SEMA3D: variants seen among roughly 807,000 people sequenced by gnomAD.
SEMA3D encodes semaphorin 3D.
Under a neutral mutation model 100.1 loss-of-function variants are expected in SEMA3D, and 84 were observed. That is an observed-to-expected ratio of 0.84 (90% CI 0.70 to 1.01). The LOEUF is 1.01. Ranked by LOEUF, SEMA3D falls within the 50% of genes least tolerant of loss-of-function variation. The pLI, the probability that SEMA3D is intolerant of heterozygous loss-of-function variation, is 0.00. For synonymous variants in SEMA3D, 312 were observed against 320.7 expected (o/e 0.97, Z 0.29); for missense variants, 875 against 934.1 (o/e 0.94, Z 0.82).
intron 2 of SEMA3D, among the ~76,000 whole-genome samples, chr7:85,152,552 A>G (rs1363360739): frequency 6.6e-6 from 1 of 152,156 alleles, no homozygotes; most frequent in African/African-American, 2.4e-5. Flanking sequence ...AATTATGCCT[A>G]TCAAACAATG....
At position 85,042,067 on chromosome 7, in the gene SEMA3D, T is replaced by G; in HGVS notation, c.976+104A>C. On this transcript the variant is annotated intron_variant, in intron 10 of 18. Transcript: ENST00000284136. ...TAAGAACCACTCCTGTAAGGTTTGC[T>G]CAGGTAAAATTAATCAGGCATTTGG... 3 of 829,900 alleles carry G rather than the reference T, an allele frequency of 3.6e-6. No individual in the cohort carries two copies. The Admixed American group carries it at 5.8e-5, about 16-fold the overall frequency. 51.4% of individuals were successfully genotyped at this position (829,900 alleles called of 1,614,324 possible). A position where few individuals can be genotyped will look rare whatever the true frequency, so the allele number is the denominator to read the frequency against.
the SEMA3D span, among the ~76,000 whole-genome samples, chr7:85,235,550 T>C: frequency 6.6e-6 from 1 of 152,196 alleles, no homozygotes; most frequent in African/African-American, 2.4e-5. Flanking sequence ...TTCAAGGGAA[T>C]AATTTTTCTT....
the SEMA3D span, among the ~76,000 whole-genome samples, chr7:85,239,099 T>C: frequency 6.6e-6 from 1 of 152,244 alleles, no homozygotes; most frequent in Non-Finnish European, 1.5e-5. Flanking sequence ...GTATTATTTC[T>C]ATTTCAGTGC....
At chr7:85,146,624 AG>A (rs1428155419) in intron 2 of SEMA3D, among the ~76,000 whole-genome samples, 2 of 151,986 alleles carry the variant, frequency 1.3e-5, no homozygotes, top group Non-Finnish European at 1.5e-5. Flanking sequence ...ATTGGTAAAA[AG>A]AAATAAGTCA....
chr7:85,225,672 C>A, the SEMA3D span, among the ~76,000 whole-genome samples: 1 of 152,044 alleles, frequency 6.6e-6, no homozygotes. Flanking sequence ...TAAAAGAGCA[C>A]CCTGTAACAC....
intron 11 of SEMA3D, among the ~76,000 whole-genome samples, chr7:85,037,532 C>T (rs1157094564): frequency 6.6e-6 from 1 of 152,056 alleles, no homozygotes; most frequent in Admixed American, 6.6e-5. Context: ...TAATAATCCT[C>T]TCGTTTGTTT....
At chr7:85,175,634 C>T (rs1310125281) in intron 1 of SEMA3D, among the ~76,000 whole-genome samples, 1 of 152,130 alleles carries the variant, frequency 6.6e-6, no homozygotes, top group African/African-American at 2.4e-5. Context: ...AAATCTACTA[C>T]TATAATTTCT....
At chr7:85,010,089 A>T (rs1275008488) in intron 17 of SEMA3D, among the ~76,000 whole-genome samples, 1 of 151,830 alleles carries the variant, frequency 6.6e-6, no homozygotes, top group Non-Finnish European at 1.5e-5. Flanking sequence ...TAATTGATAT[A>T]AAAAGATGGA....
intron 18 of SEMA3D, among the ~76,000 whole-genome samples, chr7:85,004,771 C>T (rs764182743): frequency 1.2e-4 from 19 of 152,030 alleles, no homozygotes; most frequent in Non-Finnish European, 1.9e-4. Context: ...CCCTTTTCCT[C>T]AGCTCAGGAA....
At chr7:85,024,270 G>T (rs1035770246) in intron 12 of SEMA3D, among the ~76,000 whole-genome samples, 3 of 151,890 alleles carry the variant, frequency 2.0e-5, no homozygotes, top group African/African-American at 7.2e-5. Flanking sequence ...GGTTCAATCT[G>T]GTTGGTGTAT....
At chr7:85,063,049 T>C (rs1362129591) in intron 8 of SEMA3D, among the ~76,000 whole-genome samples, 4 of 152,328 alleles carry the variant, frequency 2.6e-5, no homozygotes, top group South Asian at 4.1e-4. Flanking sequence ...CATGATGATA[T>C]TGATGCTAAT....
chr7:85,148,292 C>A (rs1371505534), intron 2 of SEMA3D, among the ~76,000 whole-genome samples: 1 of 152,080 alleles, frequency 6.6e-6, no homozygotes, highest in African/African-American at 2.4e-5. Context: ...TACAAAACAA[C>A]TTATATTTTT....
At chr7:85,119,657 G>A (rs1253809144) in intron 3 of SEMA3D, among the ~76,000 whole-genome samples, 1 of 152,000 alleles carries the variant, frequency 6.6e-6, no homozygotes, top group Non-Finnish European at 1.5e-5. Context: ...TAACTAATGG[G>A]TACAAGTTTT....
intron 12 of SEMA3D, among the ~76,000 whole-genome samples, chr7:85,035,222 T>G (rs1357777493): frequency 2.0e-5 from 3 of 151,386 alleles, no homozygotes; most frequent in East Asian, 3.9e-4. Flanking sequence ...AATGTATATA[T>G]GATATATGAT....
At chr7:85,205,396 A>T in the SEMA3D span, among the ~76,000 whole-genome samples, 1 of 152,192 alleles carries the variant, frequency 6.6e-6, no homozygotes, top group Non-Finnish European at 1.5e-5. Context: ...CATTATACAA[A>T]TATCAAACAT....
chr7:85,073,740 A>G (rs1002502218), intron 5 of SEMA3D, among the ~76,000 whole-genome samples: 1 of 152,166 alleles, frequency 6.6e-6, no homozygotes, highest in Non-Finnish European at 1.5e-5. Context: ...ATGCCCTACC[A>G]CTTATTGCCA....
intron 2 of SEMA3D, among the ~76,000 whole-genome samples, chr7:85,128,932 C>CTTTTTTTTTTTTTT: frequency 7.9e-6 from 1 of 126,862 alleles, no homozygotes. Context: ...CACTCTGTAA[C>CTTTTTTTTTTTTTT]TGAAGCTAGA....
chr7:85,179,470 T>C (rs1791333380), intron 1 of SEMA3D, among the ~76,000 whole-genome samples: 1 of 152,206 alleles, frequency 6.6e-6, no homozygotes, highest in Non-Finnish European at 1.5e-5. Context: ...GTTTAATGAC[T>C]ACTTTATTGA....
At chr7:85,097,653 CA>C in intron 4 of SEMA3D, 151 bp downstream of exon 4, 1 of 440,832 alleles carries the variant, frequency 2.3e-6, no homozygotes, top group Non-Finnish European at 4.1e-6. Context: ...GAATGTGTAT[CA>C]GAGGCAATAT....
Sources: gnomAD v4.1 joint callset for allele counts (sites outside exome capture counted in the v4.1 genomes callset) on GRCh38, gnomAD v4.1.1 for gene constraint, MANE v1.5 for transcripts, NCBI Gene and HGNC (gene_info 2026-07-23, HGNC 2026-07-21) for gene names.